TOGARAM1: variants seen among roughly 807,000 people sequenced by gnomAD.
The protein encoded by TOGARAM1 is TOG array regulator of axonemal microtubules protein 1.
TOGARAM1 carries 100 observed loss-of-function variants against 166.6 expected under a neutral mutation model. That is an observed-to-expected ratio of 0.60 (90% CI 0.51 to 0.71). The LOEUF (loss-of-function observed/expected upper bound fraction) is 0.71, where lower values mean the gene tolerates loss of function less well. Among genes scored for constraint, TOGARAM1 ranks in the 30% least tolerant of loss-of-function variants. TOGARAM1 has a pLI of 0.00. For synonymous variants in TOGARAM1, 758 were observed against 763.8 expected (o/e 0.99, Z 0.13); for missense variants, 2,029 against 2,102.7 (o/e 0.96, Z 0.69).
At chr14:45,040,203 C>T (rs1039663421) in intron 11 of TOGARAM1, among the ~76,000 whole-genome samples, 2 of 152,036 alleles carry the variant, frequency 1.3e-5, no homozygotes, top group African/African-American at 2.4e-5. Context: ...ATATGTGTAA[C>T]CTATGGATCT....
intron 10 of TOGARAM1, among the ~76,000 whole-genome samples, chr14:45,028,971 A>C (rs550759846): frequency 7.2e-5 from 11 of 152,332 alleles, no homozygotes; most frequent in Non-Finnish European, 1.6e-4. Flanking sequence ...GAAGGTTACA[A>C]AAATACTCTA....
In TOGARAM1 at chr14:44,963,250, T is replaced by A; in HGVS notation, c.829T>A (p.Phe277Ile). The A allele has an allele frequency of 1.2e-6, 2 of 1,614,178 alleles. No individual in the cohort carries two copies. The highest frequency in any genetic ancestry group is 1.7e-6 in the Non-Finnish European group (2 of 1,180,040). ...QETEEESETA[F>I]SALQQIGERL... ...GACAGAAGAAGAATCTGAGACAGCT[T>A]TCTCCGCACTTCAACAAATTGGGGA... The change falls in exon 1 of 20, where the codon TTC (phenylalanine) becomes ATC (isoleucine). Residue 277 changes from phenylalanine (F) to isoleucine (I), a missense_variant. Around this residue, in one of 2 missense-constraint regions of TOGARAM1, gnomAD observed 1,453 missense variants for 1,432.2 expected, o/e 1.01. Coordinates refer to ENST00000361462, the MANE Select transcript of TOGARAM1 (RefSeq NM_001308120.2).
rs768473452 is a variant in TOGARAM1, at chr14:45,068,603, G to T, written c.4929G>T (p.Ala1643=). ...ATTCCAAGAATCCAGGCATCTATGC[G>T]GCTGCTACAAATGTTGTTCAGGCAC... The part of the protein sequence containing the change: ...NLNSKNPGIY[A]AATNVVQALS... Residue 1643 remains alanine, a synonymous_variant, in exon 18 of 20, where the codon GCG becomes GCT. Coordinates refer to ENST00000361462, the MANE Select transcript of TOGARAM1 (RefSeq NM_001308120.2). 1.2e-6 allele frequency: 2 copies of T among 1,611,702 alleles called. No homozygotes were observed. The highest frequency in any genetic ancestry group is 1.7e-6 in the Non-Finnish European group (2 of 1,178,940).
rs769078695 is a variant in TOGARAM1 at position 44,977,422 on chromosome 14, A to G, written c.2046+12955A>G. Among the ~76,000 whole-genome samples the G allele has an allele frequency of 1.7e-4, 25 of 150,116 alleles. No individual in the cohort carries two copies. In the East Asian group the frequency reaches 2.4e-3, roughly 14 times the overall value. On this transcript the variant is annotated intron_variant, in intron 1 of 19. Coordinates refer to ENST00000361462, the MANE Select transcript of TOGARAM1 (RefSeq NM_001308120.2). ...GCTAATTTTTTTTGTATTTTTAGTA[A>G]AGACGGGGTTTCACCGTGTTAGCTG...
At chr14:45,028,361 T>C in intron 10 of TOGARAM1, 32 bp downstream of exon 10, 1 of 1,573,266 alleles carries the variant, frequency 6.4e-7, no homozygotes, top group Non-Finnish European at 8.6e-7. Flanking sequence ...GTATTTTTTT[T>C]TTCTAGTAAT....
chr14:45,037,240 G>T (rs1270274083), intron 11 of TOGARAM1, among the ~76,000 whole-genome samples: 1 of 152,216 alleles, frequency 6.6e-6, no homozygotes, highest in Non-Finnish European at 1.5e-5. Context: ...TCAAAGTCAG[G>T]AGGAGAATCT....
At chr14:45,065,712 G>T (rs972429552) in intron 16 of TOGARAM1, among the ~76,000 whole-genome samples, 2 of 152,140 alleles carry the variant, frequency 1.3e-5, no homozygotes, top group Non-Finnish European at 2.9e-5. Flanking sequence ...TTCTTAGAAA[G>T]GCCTGCTTAG....
intron 1 of TOGARAM1, among the ~76,000 whole-genome samples, chr14:44,977,795 G>A (rs1253662141): frequency 6.6e-6 from 1 of 152,036 alleles, no homozygotes; most frequent in Non-Finnish European, 1.5e-5. Flanking sequence ...ACAGGCGTGT[G>A]CCACCATGCC....
chr14:44,967,385 A>G (rs1265856279), intron 1 of TOGARAM1, among the ~76,000 whole-genome samples: 1 of 152,154 alleles, frequency 6.6e-6, no homozygotes, highest in Non-Finnish European at 1.5e-5. Context: ...TTGCTAGACC[A>G]GCAACAGCAA....
At chr14:45,041,298 G>T (rs1180204261) in intron 11 of TOGARAM1, among the ~76,000 whole-genome samples, 3 of 151,762 alleles carry the variant, frequency 2.0e-5, no homozygotes, top group South Asian at 2.1e-4. Context: ...CTACTCCAGA[G>T]GCTGAGGCAG....
At chr14:44,985,347 T>C (rs1329653571) in intron 1 of TOGARAM1, among the ~76,000 whole-genome samples, 2 of 152,180 alleles carry the variant, frequency 1.3e-5, no homozygotes, top group East Asian at 3.9e-4. Context: ...AATAAGCATG[T>C]GTGTTAACAT....
At chr14:45,018,454 GA>G (rs1275946830) in intron 7 of TOGARAM1, among the ~76,000 whole-genome samples, 4 of 152,108 alleles carry the variant, frequency 2.6e-5, no homozygotes, top group African/African-American at 9.7e-5. Context: ...ATGTTGGCTA[GA>G]CTAGTCTCGA....
intron 1 of TOGARAM1, among the ~76,000 whole-genome samples, chr14:44,986,956 G>A (rs1180596255): frequency 6.8e-6 from 1 of 147,530 alleles, no homozygotes; most frequent in African/African-American, 2.5e-5. Context: ...AGTGAACCGA[G>A]ATTGCGCCAC....
rs530551713 is a variant in TOGARAM1 at position 45,004,058 on chromosome 14, C to T, written c.2339-3C>T. On this transcript the variant is annotated splice_polypyrimidine_tract_variant and splice_region_variant and intron_variant, in intron 3 of 19. Transcript: ENST00000361462. ...TAATATATTATCTTTTGTTTTATTA[C>T]AGTGTATGCTAGCCTCAATTTTGGC... The T allele has an allele frequency of 6.2e-7, 1 of 1,608,080 alleles. No individual in the cohort carries two copies. Among genetic ancestry groups the T allele is most frequent in the South Asian group, 1.1e-5 (1 of 90,302 alleles).
intron 3 of TOGARAM1, among the ~76,000 whole-genome samples, chr14:45,002,370 A>G (rs906636196): frequency 4.6e-5 from 7 of 152,200 alleles, no homozygotes; most frequent in African/African-American, 1.2e-4. Flanking sequence ...GTGTTTAGTC[A>G]TATTGCACAG....
At chr14:45,004,017 A>AG (rs111878142) in intron 3 of TOGARAM1, 44 bp from the exon 4 acceptor site, 115,240 of 1,495,896 alleles carry the variant, frequency 0.077, 8,937 homozygotes, top group African/African-American at 0.4. Context: ...TAACTGTTAA[A>AG]CTGTGTATAC....
At chr14:44,987,389 G>A (rs1212292000) in intron 1 of TOGARAM1, among the ~76,000 whole-genome samples, 1 of 152,080 alleles carries the variant, frequency 6.6e-6, no homozygotes, top group Non-Finnish European at 1.5e-5. Context: ...AATCTACAAA[G>A]AACTCAAACA....
At position 44,966,389 on chromosome 14, in the gene TOGARAM1, C is replaced by T. The variant is rs1224390717; in HGVS notation, c.2046+1922C>T. 5.3e-5 allele frequency among the ~76,000 whole-genome samples: 8 copies of T among 151,900 alleles called. No individual in the cohort carries two copies. The East Asian group carries it at 1.6e-3, about 30-fold the overall frequency. ...TCGGGAGGCTGAGGCAAAAGAATCA[C>T]TTGAACCCAGGAAGCAGAGGTTGCA... is the stretch of plus-strand genomic sequence containing the variant. On this transcript the variant is annotated intron_variant, in intron 1 of 19. Transcript: ENST00000361462.
rs1340708382 is a variant in TOGARAM1, at chr14:45,054,525, G to C, written c.4535G>C (p.Arg1512Thr). 5 of 1,610,910 alleles carry C rather than the reference G, an allele frequency of 3.1e-6. No homozygotes were observed. Among genetic ancestry groups the C allele is most frequent in the Non-Finnish European group, 4.2e-6 (5 of 1,177,754 alleles). Residue 1512 changes from arginine (R) to threonine (T), a missense_variant, in exon 16 of 20, where the codon AGA (arginine) becomes ACA (threonine). Around this residue, in one of 2 missense-constraint regions of TOGARAM1, gnomAD observed 576 missense variants for 670.5 expected, o/e 0.86. Transcript: ENST00000361462. ...AATACAAGATCATCATCTGTTTCTA[G>C]AGATGCTTTCAATTCAGCTGAAAGG... Reference protein sequence around the residue: ...VGNTRSSSVSRDAFNSAERAV... With the variant: ...VGNTRSSSVSTDAFNSAERAV...
Sources: gnomAD v4.1 joint callset for allele counts (sites outside exome capture counted in the v4.1 genomes callset) on GRCh38, gnomAD v4.1.1 for gene constraint, gnomAD v4.1.1 regional missense constraint, MANE v1.5 for transcripts, NCBI Gene and HGNC (gene_info 2026-07-23, HGNC 2026-07-21) for gene names.